COX7B2: variants seen among roughly 807,000 people sequenced by gnomAD.
The protein encoded by COX7B2 is cytochrome c oxidase subunit 7B2, also known as cytochrome c oxidase subunit 7B2, mitochondrial.
For missense variants in COX7B2, 109 were observed against 95.9 expected, an observed-to-expected ratio of 1.14 and a Z score of -0.57; for synonymous variants, 37 against 32.1, an observed-to-expected ratio of 1.15 and a Z score of -0.51.
chr4:46,835,484 C>T (rs927949134), intron 2 of COX7B2, among the ~76,000 whole-genome samples: 2 of 151,896 alleles, frequency 1.3e-5, no homozygotes, highest in Non-Finnish European at 2.9e-5. Context: ...GTTCGAGAAT[C>T]ATGGTGGAAG....
At chr4:46,904,487 A>T (rs1381825659) in intron 1 of COX7B2, among the ~76,000 whole-genome samples, 3 of 152,196 alleles carry the variant, frequency 2.0e-5, no homozygotes, top group African/African-American at 7.2e-5. Context: ...TAATAAATAC[A>T]AATTAAAACA....
rs1344776663 is a variant in COX7B2, at chr4:46,778,662, A to G, written c.-49-43421T>C. Among the ~76,000 whole-genome samples the G allele has an allele frequency of 2.0e-5, 3 of 152,174 alleles. No individual in the cohort carries two copies. In the East Asian group the frequency reaches 5.8e-4, roughly 29 times the overall value. ...ATAGAATCAGTAGACATTTTTAAAT[A>G]TAGCTTATGTCTTGCATGTATAATC... is the stretch of plus-strand genomic sequence containing the variant. On this transcript the variant is annotated intron_variant, in intron 2 of 2. Coordinates refer to ENST00000355591, the MANE Select transcript of COX7B2 (RefSeq NM_130902.3).
chr4:46,791,602 A>C (rs779652693), intron 2 of COX7B2, among the ~76,000 whole-genome samples: 60 of 152,332 alleles, frequency 3.9e-4, no homozygotes, highest in Non-Finnish European at 7.9e-4. Flanking sequence ...AGTGTTGGGC[A>C]GCTATTTTTC....
chr4:46,777,288 T>C (rs1002968955), intron 2 of COX7B2, among the ~76,000 whole-genome samples: 10 of 152,124 alleles, frequency 6.6e-5, no homozygotes, highest in Non-Finnish European at 1.0e-4. Context: ...AGTGATTGAA[T>C]ACAGTTAATA....
intron 1 of COX7B2, among the ~76,000 whole-genome samples, chr4:46,861,947 C>G (rs1717358946): frequency 6.6e-6 from 1 of 152,172 alleles, no homozygotes; most frequent in South Asian, 2.1e-4. Flanking sequence ...CCAATTAGCC[C>G]CAGCCTACAC....
chr4:46,847,936 T>A (rs1469336694), intron 1 of COX7B2, among the ~76,000 whole-genome samples: 1 of 151,968 alleles, frequency 6.6e-6, no homozygotes, highest in Non-Finnish European at 1.5e-5. Context: ...CAGAAGGTGG[T>A]AAGAGGCAGC....
intron 2 of COX7B2, among the ~76,000 whole-genome samples, chr4:46,802,456 C>T (rs1718706264): frequency 1.3e-5 from 2 of 152,228 alleles, no homozygotes; most frequent in South Asian, 4.1e-4. Context: ...TATAGAAATG[C>T]TAACGTTGGA....
At chr4:46,837,715 T>A (rs917344144) in intron 2 of COX7B2, among the ~76,000 whole-genome samples, 4 of 152,070 alleles carry the variant, frequency 2.6e-5, no homozygotes, top group African/African-American at 9.7e-5. Context: ...AAGGATAAGA[T>A]AACACTTTTA....
At chr4:46,891,375 G>A (rs923715607) in intron 1 of COX7B2, among the ~76,000 whole-genome samples, 2 of 152,058 alleles carry the variant, frequency 1.3e-5, no homozygotes, top group Non-Finnish European at 1.5e-5. Context: ...AAGGGTCCAG[G>A]GACAGAGCCT....
chr4:46,877,304 C>T (rs11733919), intron 1 of COX7B2, among the ~76,000 whole-genome samples: 36,376 of 152,076 alleles, frequency 0.24, 4,576 homozygotes, highest in East Asian at 0.29. Context: ...AGGACATCTG[C>T]GTCCAAAACC....
intron 2 of COX7B2, among the ~76,000 whole-genome samples, chr4:46,791,012 CTGTT>C (rs771004863): frequency 1.3e-4 from 20 of 152,052 alleles, no homozygotes; most frequent in Non-Finnish European, 2.2e-4. Flanking sequence ...GTTTGTCTGT[CTGTT>C]TGAGACACAA....
chr4:46,826,652 C>T (rs1714713993), intron 2 of COX7B2, among the ~76,000 whole-genome samples: 1 of 152,108 alleles, frequency 6.6e-6, no homozygotes, highest in Non-Finnish European at 1.5e-5. Flanking sequence ...AAATGTGGTA[C>T]ATATACATCA....
intron 1 of COX7B2, among the ~76,000 whole-genome samples, chr4:46,894,738 A>T (rs1010373736): frequency 6.6e-6 from 1 of 152,224 alleles, no homozygotes; most frequent in Non-Finnish European, 1.5e-5. Context: ...CAAACTACGC[A>T]TCTGACAAAG....
At chr4:46,815,096 G>A (rs1299790755) in intron 2 of COX7B2, among the ~76,000 whole-genome samples, 1 of 151,482 alleles carries the variant, frequency 6.6e-6, no homozygotes, top group South Asian at 2.1e-4. Context: ...TGAGACAGGA[G>A]AATTGCTTGA....
At chr4:46,741,029 G>C (rs1231279703) in intron 2 of COX7B2, among the ~76,000 whole-genome samples, 2 of 152,074 alleles carry the variant, frequency 1.3e-5, no homozygotes, top group African/African-American at 2.4e-5. Context: ...GTAGAAGGGG[G>C]AGGCATCTTC....
intron 2 of COX7B2, among the ~76,000 whole-genome samples, chr4:46,825,648 G>A (rs1714637680): frequency 6.6e-6 from 1 of 152,188 alleles, no homozygotes; most frequent in Non-Finnish European, 1.5e-5. Flanking sequence ...CAAGGCTACA[G>A]TAACCAAAAC....
chr4:46,813,127 T>C (rs1719371741), intron 2 of COX7B2, among the ~76,000 whole-genome samples: 1 of 152,170 alleles, frequency 6.6e-6, no homozygotes, highest in African/African-American at 2.4e-5. Flanking sequence ...GATAAAAGAA[T>C]AGCTTTGTGG....
chr4:46,802,266 T>C (rs1001498839), intron 2 of COX7B2, among the ~76,000 whole-genome samples: 4 of 152,162 alleles, frequency 2.6e-5, no homozygotes, highest in Non-Finnish European at 5.9e-5. Flanking sequence ...TTGTAGGACC[T>C]ATATTGTGGT....
intron 2 of COX7B2, among the ~76,000 whole-genome samples, chr4:46,799,560 T>C (rs1718542176): frequency 6.6e-6 from 1 of 152,172 alleles, no homozygotes; most frequent in Non-Finnish European, 1.5e-5. Context: ...GAGTTTATAA[T>C]ATAAAGGAAT....
Sources: allele counts gnomAD v4.1 joint callset (sites outside exome capture counted in the v4.1 genomes callset), GRCh38; gene constraint gnomAD v4.1.1; transcripts MANE v1.5; gene names NCBI Gene and HGNC (gene_info 2026-07-23, HGNC 2026-07-21).